The following QTMAN variants were observed in gnomAD, a reference collection of about 807,000 sequenced individuals.
QTMAN encodes queuosine-tRNA mannosyltransferase, also known as tRNA-queuosine alpha-mannosyltransferase.
At chr2:144,217,371 C>G in the QTMAN span, among the ~76,000 whole-genome samples, 1 of 151,738 alleles carries the variant, frequency 6.6e-6, no homozygotes, top group South Asian at 2.1e-4. Context: ...TAAAAAAAAC[C>G]CTCCATTTTC....
chr2:144,214,126 TC>T, the QTMAN span, among the ~76,000 whole-genome samples: 4,425 of 152,296 alleles, frequency 0.029, 93 homozygotes, highest in Admixed American at 0.044. Flanking sequence ...GACCAGTGAT[TC>T]CCCTAACAGA....
chr2:143,999,337 G>A, the QTMAN span, among the ~76,000 whole-genome samples: 1 of 151,732 alleles, frequency 6.6e-6, no homozygotes, highest in African/African-American at 2.4e-5. Flanking sequence ...GGACTACAAG[G>A]CATCACTAGA....
At chr2:144,244,261 TACA>T in the QTMAN span, among the ~76,000 whole-genome samples, 1 of 152,230 alleles carries the variant, frequency 6.6e-6, no homozygotes, top group African/African-American at 2.4e-5. Flanking sequence ...GTGTTTCATG[TACA>T]ACAACATTGG....
At chr2:144,192,034 G>T in the QTMAN span, among the ~76,000 whole-genome samples, 1 of 152,014 alleles carries the variant, frequency 6.6e-6, no homozygotes, top group African/African-American at 2.4e-5. Flanking sequence ...AAGGGTGAAA[G>T]AAATGAATGA....
chr2:144,003,420 TAAAA>T, the QTMAN span, among the ~76,000 whole-genome samples: 3 of 142,808 alleles, frequency 2.1e-5, no homozygotes, highest in African/African-American at 5.1e-5. Flanking sequence ...AGAAAATAGT[TAAAA>T]AAAAAAAAAC....
At chr2:143,969,954 C>T in the QTMAN span, among the ~76,000 whole-genome samples, 1 of 152,158 alleles carries the variant, frequency 6.6e-6, no homozygotes. Context: ...AATATTGTTG[C>T]TTGTACATTT....
chr2:144,134,225 C>G, the QTMAN span, among the ~76,000 whole-genome samples: 1 of 152,226 alleles, frequency 6.6e-6, no homozygotes, highest in South Asian at 2.1e-4. Context: ...TCAAAAAGCC[C>G]TTAGGCGCCT....
the QTMAN span, among the ~76,000 whole-genome samples, chr2:144,253,191 C>T: frequency 7.9e-5 from 12 of 152,142 alleles, no homozygotes; most frequent in East Asian, 1.9e-4. Flanking sequence ...ATATTTGTTT[C>T]GCCTTCCGCC....
chr2:144,224,944 C>A, the QTMAN span, among the ~76,000 whole-genome samples: 2 of 151,918 alleles, frequency 1.3e-5, no homozygotes, highest in African/African-American at 2.4e-5. Context: ...CAAAGAGGGA[C>A]CAATAGCAAG....
At chr2:144,330,582 A>C in the QTMAN span, among the ~76,000 whole-genome samples, 1 of 152,268 alleles carries the variant, frequency 6.6e-6, no homozygotes, top group Non-Finnish European at 1.5e-5. Context: ...AGTAATGTTT[A>C]AACTCACAGA....
the QTMAN span, among the ~76,000 whole-genome samples, chr2:144,223,006 T>C: frequency 6.6e-6 from 1 of 152,168 alleles, no homozygotes; most frequent in Non-Finnish European, 1.5e-5. Context: ...TCAATAAATA[T>C]TAACCAATGG....
the QTMAN span, among the ~76,000 whole-genome samples, chr2:144,071,044 T>C: frequency 1.3e-5 from 2 of 152,170 alleles, no homozygotes; most frequent in African/African-American, 2.4e-5. Flanking sequence ...TTACAGGGCT[T>C]TGTGAAAGTG....
At chr2:144,308,994 T>C in the QTMAN span, among the ~76,000 whole-genome samples, 1 of 152,158 alleles carries the variant, frequency 6.6e-6, no homozygotes, top group Non-Finnish European at 1.5e-5. Flanking sequence ...AGAAGTTATA[T>C]AAATGGCCAA....
chr2:144,116,639 T>TGA, the QTMAN span, among the ~76,000 whole-genome samples: 10 of 152,034 alleles, frequency 6.6e-5, no homozygotes, highest in Non-Finnish European at 2.9e-5. Flanking sequence ...CCACTCAACC[T>TGA]GAGAGAGAGA....
the QTMAN span, among the ~76,000 whole-genome samples, chr2:144,011,010 T>C: frequency 1.3e-5 from 2 of 152,100 alleles, no homozygotes; most frequent in Non-Finnish European, 2.9e-5. Flanking sequence ...AAGCTACCAA[T>C]AAATAATATA....
the QTMAN span, among the ~76,000 whole-genome samples, chr2:144,234,830 C>T: frequency 6.6e-6 from 1 of 152,132 alleles, no homozygotes; most frequent in Non-Finnish European, 1.5e-5. Flanking sequence ...TTGAGAAAGG[C>T]AGTGGGGGAG....
At chr2:144,072,645 C>T in the QTMAN span, among the ~76,000 whole-genome samples, 1 of 152,158 alleles carries the variant, frequency 6.6e-6, no homozygotes, top group African/African-American at 2.4e-5. Flanking sequence ...AGGGGCCTGT[C>T]CTCAAAACCT....
At chr2:144,047,526 C>T in the QTMAN span, among the ~76,000 whole-genome samples, 5 of 152,252 alleles carry the variant, frequency 3.3e-5, 2 homozygotes, top group Admixed American at 6.5e-5. Context: ...CTGACCCTAT[C>T]TCTGTGTATA....
chr2:144,246,377 T>C, the QTMAN span, among the ~76,000 whole-genome samples: 2 of 150,636 alleles, frequency 1.3e-5, no homozygotes, highest in Non-Finnish European at 3.0e-5. Context: ...ATCGAGACCA[T>C]CCTGGCTAAC....
Sources: allele counts gnomAD v4.1 joint callset (sites outside exome capture counted in the v4.1 genomes callset), GRCh38; gene constraint gnomAD v4.1.1; transcripts MANE v1.5; gene names NCBI Gene and HGNC (gene_info 2026-07-23, HGNC 2026-07-21).